Variants in SMG6 observed in about 807,000 individuals in gnomAD.
The protein encoded by SMG6 is SMG6 nonsense mediated mRNA decay factor.
In SMG6, 66 loss-of-function variants were observed where a neutral mutation model predicts 142.2. That is an observed-to-expected ratio of 0.46 (90% CI 0.38 to 0.57). The LOEUF is 0.57. Among genes scored for constraint, SMG6 ranks in the 20% least tolerant of loss-of-function variants. The pLI is 0.00. For missense variants in SMG6, 1,793 were observed against 1,832.0 expected, an observed-to-expected ratio of 0.98 and a Z score of 0.39; for synonymous variants, 779 against 702.4, an observed-to-expected ratio of 1.11 and a Z score of -1.72.
chr17:2,299,967 A>G lies in SMG6; in HGVS notation c.786T>C (p.Ala262=), dbSNP rs2075238725. ...CTCCCTCAGCGCTGTTGTTGCTGCCAGCTGAGCTGGTGCTGCGCGTGCGGT... is the reference window on the plus strand; with the variant it reads ...CTCCCTCAGCGCTGTTGTTGCTGCCGGCTGAGCTGGTGCTGCGCGTGCGGT... ...NRYRTRSTSS[A]GSNNSAEGAG... The change falls in exon 2 of 19, where the codon GCT becomes GCC. Residue 262 remains alanine, a synonymous_variant. Transcript: ENST00000263073. The surrounding 1 kb of genome is among the most constrained non-coding windows in gnomAD (Gnocchi z 4.3). The G allele has an allele frequency of 2.5e-6, 4 of 1,614,114 alleles. No individual in the cohort carries two copies. The highest frequency in any genetic ancestry group is 3.4e-6 in the Non-Finnish European group (4 of 1,180,032).
At chr17:2,190,364 T>TAGAAGGGATGGAGGGGGGTGTCCTGGCTC (rs2072122161) in intron 10 of SMG6, among the ~76,000 whole-genome samples, 1 of 152,130 alleles carries the variant, frequency 6.6e-6, no homozygotes, top group African/African-American at 2.4e-5. Flanking sequence ...CTCAGAAGGC[T>TAGAAGGGATGGAGGGGGGTGTCCTGGCTC]AGAAGGGATG....
intron 13 of SMG6, among the ~76,000 whole-genome samples, chr17:2,139,014 C>G (rs891146290): frequency 1.3e-5 from 2 of 152,182 alleles, no homozygotes; most frequent in Non-Finnish European, 2.9e-5. Flanking sequence ...TAGCGTGGCA[C>G]TGCCTGAAGT....
intron 17 of SMG6, 102 bp downstream of exon 17, chr17:2,065,366 C>T: frequency 8.1e-7 from 1 of 1,241,962 alleles, no homozygotes; most frequent in Non-Finnish European, 1.1e-6. Context: ...GGTGGCTGGC[C>T]CTCAGCTGCC....
At chr17:2,083,121 T>C (rs756818811) in intron 14 of SMG6, among the ~76,000 whole-genome samples, 5 of 152,152 alleles carry the variant, frequency 3.3e-5, no homozygotes, top group Admixed American at 1.3e-4. Context: ...TTACCAATAA[T>C]AATAAGCTAA....
chr17:2,218,873 T>C (rs1243444202), intron 10 of SMG6, among the ~76,000 whole-genome samples: 2 of 152,110 alleles, frequency 1.3e-5, no homozygotes, highest in East Asian at 3.9e-4. Flanking sequence ...GTAACAAATG[T>C]CCCACTCTGG....
intron 10 of SMG6, among the ~76,000 whole-genome samples, chr17:2,211,621 G>T (rs1323173022): frequency 1.3e-5 from 2 of 148,660 alleles, no homozygotes; most frequent in African/African-American, 5.0e-5. Context: ...CCGAGATCGT[G>T]CCAGGGCACT....
At chr17:2,156,685 T>C (rs1399914499) in intron 13 of SMG6, among the ~76,000 whole-genome samples, 1 of 152,164 alleles carries the variant, frequency 6.6e-6, no homozygotes, top group Non-Finnish European at 1.5e-5. Flanking sequence ...GACAGGGTCT[T>C]GCTGTGTAAC....
At chr17:2,293,741 T>C (rs560664025) in intron 4 of SMG6, among the ~76,000 whole-genome samples, 46 of 152,382 alleles carry the variant, frequency 3.0e-4, no homozygotes, top group African/African-American at 1.1e-3. Flanking sequence ...CCCAAAGTGC[T>C]GGGATTACAG....
At chr17:2,100,645 G>A (rs1230947405) in intron 13 of SMG6, among the ~76,000 whole-genome samples, 2 of 151,974 alleles carry the variant, frequency 1.3e-5, no homozygotes, top group African/African-American at 2.4e-5. Flanking sequence ...GTGTAAACAC[G>A]GCTCACTGCA....
At chr17:2,105,423 G>A (rs777142582) in intron 13 of SMG6, among the ~76,000 whole-genome samples, 61 of 152,076 alleles carry the variant, frequency 4.0e-4, no homozygotes, top group Non-Finnish European at 7.1e-4. Context: ...GCAGGTGCCT[G>A]TAATCCCAGC....
intron 11 of SMG6, among the ~76,000 whole-genome samples, chr17:2,187,372 T>C (rs538279589): frequency 6.6e-6 from 1 of 152,326 alleles, no homozygotes; most frequent in South Asian, 2.1e-4. Flanking sequence ...AACTTTTTTT[T>C]CCCCTTGCTA....
chr17:2,215,884 G>A (rs1175267143), intron 10 of SMG6: 1 of 152,286 alleles, frequency 6.6e-6, no homozygotes, highest in Non-Finnish European at 1.5e-5. Context: ...GAGGAAAGAG[G>A]AAAGAGAAGG....
chr17:2,112,292 C>T (rs1225550766), intron 13 of SMG6, among the ~76,000 whole-genome samples: 1 of 151,534 alleles, frequency 6.6e-6, no homozygotes, highest in Non-Finnish European at 1.5e-5. Flanking sequence ...ATCACGAGGT[C>T]AGGAGATCGA....
chr17:2,087,343 C>T, intron 13 of SMG6: 1 of 1,205,388 alleles, frequency 8.3e-7, no homozygotes, highest in African/African-American at 1.6e-5. Flanking sequence ...AGGCTGGCTG[C>T]CCAGGAAAGT....
intron 13 of SMG6, among the ~76,000 whole-genome samples, chr17:2,129,908 A>G (rs892989629): frequency 6.6e-6 from 1 of 151,438 alleles, no homozygotes; most frequent in Non-Finnish European, 1.5e-5. Flanking sequence ...TATTATGGTT[A>G]CCATTATAGA....
intron 6 of SMG6, among the ~76,000 whole-genome samples, chr17:2,290,795 G>A (rs914565796): frequency 2.0e-5 from 3 of 152,118 alleles, no homozygotes; most frequent in African/African-American, 7.2e-5. Flanking sequence ...AGTAGTGGGG[G>A]GGCCAAAAGA....
chr17:2,133,673 G>A (rs1486356369), intron 13 of SMG6, among the ~76,000 whole-genome samples: 1 of 152,158 alleles, frequency 6.6e-6, no homozygotes, highest in Non-Finnish European at 1.5e-5. Flanking sequence ...GAGTAGCTAG[G>A]ATTACAGGTA....
At chr17:2,273,398 C>T (rs573637673) in intron 8 of SMG6, among the ~76,000 whole-genome samples, 41 of 152,142 alleles carry the variant, frequency 2.7e-4, no homozygotes, top group African/African-American at 8.9e-4. Context: ...CAGTGGCTCA[C>T]GCCTGTAATC....
chr17:2,303,738 C>T lies in SMG6; in HGVS notation c.-18G>A. ...TCCGCCATCTTCGCGGCTGCTGCTA[C>T]AGCCGTAGCGGCTCCGCCACCGCCG... On this transcript the variant is annotated 5_prime_UTR_variant, in exon 1 of 19. Coordinates refer to ENST00000263073, the MANE Select transcript of SMG6 (RefSeq NM_017575.5). The T allele has an allele frequency of 6.7e-7, 1 of 1,488,500 alleles. No homozygotes were observed. The highest frequency in any genetic ancestry group is 8.9e-7 in the Non-Finnish European group (1 of 1,125,560). The allele number at this position is 1,488,500 out of a possible 1,614,324, so 92.2% of individuals were successfully genotyped here. A position where few individuals can be genotyped will look rare whatever the true frequency, so the allele number is the denominator to read the frequency against.
Sources: gnomAD v4.1 joint callset for allele counts (sites outside exome capture counted in the v4.1 genomes callset) on GRCh38, gnomAD v4.1.1 for gene constraint, Gnocchi (gnomAD v3.1) non-coding constraint, MANE v1.5 for transcripts, NCBI Gene and HGNC (gene_info 2026-07-23, HGNC 2026-07-21) for gene names.